CHSY3: variants seen among roughly 807,000 people sequenced by gnomAD.
CHSY3 encodes N-acetylgalactosaminyl-proteoglycan 3-beta-glucuronosyltransferase 3.
CHSY3 carries 35 observed loss-of-function variants against 67.2 expected under a neutral mutation model. The observed-to-expected ratio is 0.52, with a 90% CI of 0.40 to 0.69. CHSY3 has a LOEUF of 0.69. CHSY3 is among the 30% of genes least tolerant of loss of function. The pLI is 0.00. For missense variants in CHSY3, 1,069 were observed against 1,138.5 expected, an observed-to-expected ratio of 0.94 and a Z score of 0.88; for synonymous variants, 474 against 434.7, an observed-to-expected ratio of 1.09 and a Z score of -1.12.
chr5:130,023,746 C>G (rs952179057), intron 2 of CHSY3, among the ~76,000 whole-genome samples: 3 of 151,976 alleles, frequency 2.0e-5, no homozygotes, highest in Non-Finnish European at 4.4e-5. Flanking sequence ...CCAGGGCTTA[C>G]ATGTAACACC....
At chr5:130,035,727 C>G (rs1764842598) in intron 2 of CHSY3, among the ~76,000 whole-genome samples, 1 of 152,034 alleles carries the variant, frequency 6.6e-6, no homozygotes, top group Admixed American at 6.6e-5. Flanking sequence ...ATGAAAGCTT[C>G]TAAGCTAATT....
rs868592983 is a variant in CHSY3, at chr5:130,108,619, A to G, written c.1087-75610A>G. Among the ~76,000 whole-genome samples, 7 of 151,808 alleles carry G rather than the reference A, an allele frequency of 4.6e-5. 1 individual carries two copies. In the South Asian group the frequency reaches 1.2e-3, roughly 27 times the overall value. ...AAAGCACAATCCCATATATGCGGTT[A>G]TGATTAGTTATTGGAAGGTTTTATC... On this transcript the variant is annotated intron_variant, in intron 2 of 2. Transcript: ENST00000305031.
At chr5:129,949,320 A>G (rs187151309) in intron 2 of CHSY3, among the ~76,000 whole-genome samples, 11 of 152,302 alleles carry the variant, frequency 7.2e-5, no homozygotes, top group Non-Finnish European at 2.9e-5. Flanking sequence ...ACTATGAACA[A>G]TTATACACCA....
At chr5:130,112,301 T>C (rs1435063286) in intron 2 of CHSY3, among the ~76,000 whole-genome samples, 1 of 152,156 alleles carries the variant, frequency 6.6e-6, no homozygotes, top group African/African-American at 2.4e-5. Context: ...GAAAGTTATT[T>C]TTGTAGTGAC....
intron 2 of CHSY3, among the ~76,000 whole-genome samples, chr5:130,165,017 G>GGGTGAAAGGTAGC (rs1235601887): frequency 2.4e-4 from 36 of 152,282 alleles, no homozygotes; most frequent in African/African-American, 8.4e-4. Flanking sequence ...GGAGTATAGA[G>GGGTGAAAGGTAGC]GGTGAAAGGT....
At chr5:130,178,509 C>G (rs1380689063) in intron 2 of CHSY3, among the ~76,000 whole-genome samples, 1 of 151,868 alleles carries the variant, frequency 6.6e-6, no homozygotes, top group Non-Finnish European at 1.5e-5. Flanking sequence ...GTCTCGGCCT[C>G]CGAAAGTGCT....
At chr5:129,925,777 A>C (rs1205114919) in intron 2 of CHSY3, among the ~76,000 whole-genome samples, 1 of 151,924 alleles carries the variant, frequency 6.6e-6, no homozygotes, top group Non-Finnish European at 1.5e-5. Context: ...CTATGAGTTC[A>C]CCATTTATAT....
At chr5:130,038,684 A>G (rs1295192472) in intron 2 of CHSY3, among the ~76,000 whole-genome samples, 1 of 152,128 alleles carries the variant, frequency 6.6e-6, no homozygotes, top group Non-Finnish European at 1.5e-5. Context: ...ACTTTGCCAA[A>G]TAATTAGTTT....
At chr5:129,919,109 G>A (rs1196614306) in intron 2 of CHSY3, among the ~76,000 whole-genome samples, 1 of 29,656 alleles carries the variant, frequency 3.4e-5, no homozygotes, top group Non-Finnish European at 5.3e-5. Context: ...GCGAGACTCC[G>A]TCTCAAAAAA....
intron 2 of CHSY3, among the ~76,000 whole-genome samples, chr5:130,065,296 T>C (rs993635788): frequency 2.0e-5 from 3 of 152,060 alleles, no homozygotes; most frequent in Admixed American, 6.6e-5. Context: ...AAAAATTCTC[T>C]CTTAACAATG....
At chr5:129,939,706 A>G (rs1177586019) in intron 2 of CHSY3, among the ~76,000 whole-genome samples, 1 of 152,220 alleles carries the variant, frequency 6.6e-6, no homozygotes, top group Non-Finnish European at 1.5e-5. Context: ...TGGAATATGA[A>G]TAATCTTCAC....
chr5:130,122,292 CT>C (rs1387257428), intron 2 of CHSY3, among the ~76,000 whole-genome samples: 1 of 151,988 alleles, frequency 6.6e-6, no homozygotes, highest in African/African-American at 2.4e-5. Flanking sequence ...GAGTAAATTT[CT>C]TCTTAGTTGA....
intron 2 of CHSY3, among the ~76,000 whole-genome samples, chr5:130,064,824 G>A (rs185459484): frequency 2.8e-4 from 42 of 152,242 alleles, no homozygotes; most frequent in Non-Finnish European, 5.1e-4. Flanking sequence ...ATCGTGCTGC[G>A]CATGAAATAT....
intron 2 of CHSY3, among the ~76,000 whole-genome samples, chr5:129,936,819 C>T (rs1225144950): frequency 6.6e-6 from 1 of 152,146 alleles, no homozygotes; most frequent in Admixed American, 6.5e-5. Context: ...TCATGTTGCC[C>T]TGCATTCTGG....
chr5:130,009,674 C>T (rs1030536827), intron 2 of CHSY3, among the ~76,000 whole-genome samples: 5 of 152,036 alleles, frequency 3.3e-5, no homozygotes, highest in Non-Finnish European at 7.4e-5. Context: ...GCTGAACACC[C>T]CATTTAAAAG....
intron 2 of CHSY3, among the ~76,000 whole-genome samples, chr5:130,047,963 G>T (rs1215525401): frequency 1.4e-5 from 2 of 147,912 alleles, no homozygotes; most frequent in African/African-American, 5.3e-5. Context: ...CCTTTTTTAA[G>T]TAAAAATAAT....
chr5:129,942,749 C>T (rs897231203), intron 2 of CHSY3, among the ~76,000 whole-genome samples: 12 of 152,014 alleles, frequency 7.9e-5, no homozygotes, highest in East Asian at 1.9e-4. Context: ...AGAGAGTGTA[C>T]GCTTTGGTTT....
intron 2 of CHSY3, among the ~76,000 whole-genome samples, chr5:130,103,516 C>A (rs1345385304): frequency 1.3e-5 from 2 of 151,830 alleles, no homozygotes; most frequent in East Asian, 3.9e-4. Context: ...TTGTTCCATT[C>A]AAGTTTCATC....
chr5:129,948,775 G>C (rs1178197589), intron 2 of CHSY3, among the ~76,000 whole-genome samples: 2 of 152,182 alleles, frequency 1.3e-5, no homozygotes, highest in African/African-American at 4.8e-5. Context: ...GTTTTCCATA[G>C]GGGTGCACTA....
Sources: allele counts gnomAD v4.1 joint callset (sites outside exome capture counted in the v4.1 genomes callset), GRCh38; gene constraint gnomAD v4.1.1; transcripts MANE v1.5; gene names NCBI Gene and HGNC (gene_info 2026-07-23, HGNC 2026-07-21).